Variants in BSDC1 observed in about 807,000 individuals in gnomAD.
BSDC1 encodes the protein BSD domain-containing protein 1.
In BSDC1, 29 loss-of-function variants were observed where a neutral mutation model predicts 56.0. The observed-to-expected ratio is 0.52, with a 90% CI of 0.39 to 0.71. BSDC1 has a LOEUF of 0.71. Among genes scored for constraint, BSDC1 ranks in the 30% least tolerant of loss-of-function variants. The probability of loss-of-function intolerance (pLI) is 0.00; values close to 1 mark genes in which losing one functional copy is unlikely to be tolerated. For synonymous variants in BSDC1, 210 were observed against 215.3 expected, an observed-to-expected ratio of 0.98 and a Z score of 0.21; for missense variants, 477 against 548.5, an observed-to-expected ratio of 0.87 and a Z score of 1.30.
At chr1:32,388,540 T>C (rs148436550) in intron 2 of BSDC1, among the ~76,000 whole-genome samples, 1 of 152,306 alleles carries the variant, frequency 6.6e-6, no homozygotes, top group African/African-American at 2.4e-5. Context: ...TGACACCCAG[T>C]GGGTGCTTTG....
intron 2 of BSDC1, among the ~76,000 whole-genome samples, chr1:32,390,386 G>A (rs1642824456): frequency 6.6e-6 from 1 of 152,176 alleles, no homozygotes; most frequent in Admixed American, 6.5e-5. Flanking sequence ...GATGGAAGAA[G>A]GTGGATTTGG....
intron 2 of BSDC1, among the ~76,000 whole-genome samples, chr1:32,388,307 A>C (rs191195248): frequency 6.6e-6 from 1 of 152,144 alleles, no homozygotes; most frequent in African/African-American, 2.4e-5. Flanking sequence ...TCATGCCTCC[A>C]TATCAACTCA....
chr1:32,383,617 A>G (rs1241979268), intron 4 of BSDC1, among the ~76,000 whole-genome samples: 1 of 152,230 alleles, frequency 6.6e-6, no homozygotes, highest in East Asian at 1.9e-4. Context: ...TTATATACCA[A>G]TAAGAAATCA....
intron 9 of BSDC1, among the ~76,000 whole-genome samples, chr1:32,375,407 G>A (rs950771780): frequency 4.0e-5 from 6 of 151,538 alleles, no homozygotes; most frequent in African/African-American, 1.5e-4. Context: ...GGATGTGTGT[G>A]TGAAGTGTAC....
At chr1:32,387,945 C>T (rs1178475608) in intron 2 of BSDC1, among the ~76,000 whole-genome samples, 1 of 152,166 alleles carries the variant, frequency 6.6e-6, no homozygotes, top group Non-Finnish European at 1.5e-5. Flanking sequence ...AGGTTCTATT[C>T]ATATACAAAG....
At position 32,368,454 on chromosome 1, in the gene BSDC1, G is replaced by A. The variant is rs201994378; in HGVS notation, c.1253C>T (p.Ser418Phe). ...CCCACCAGGCCCACTCACCTCCCCG[G>A]AGGCATCCACTTTGGAAAGTGCCAT... ...VQMALSKVDA[S>F]GELEDVEWED... is the part of the protein sequence containing the mutation. Residue 418 changes from serine to phenylalanine, a missense_variant, in exon 10 of 11, where the codon TCC becomes TTC. Physicochemically the swap from Ser to Phe is radical, Grantham distance 155. Coordinates refer to ENST00000455895, the MANE Select transcript of BSDC1 (RefSeq NM_018045.8). The A allele has an allele frequency of 2.2e-4, 350 of 1,613,974 alleles. No homozygotes were observed. Among genetic ancestry groups the A allele is most frequent in the East Asian group, 1.0e-3 (46 of 44,894 alleles).
Position 32,383,841 on chromosome 1 carries a change from C to A in BSDC1, c.346G>T (p.Asp116Tyr). The A allele has an allele frequency of 6.2e-7, 1 of 1,612,220 alleles. No individual in the cohort carries two copies. Among genetic ancestry groups the A allele is most frequent in the Non-Finnish European group, 8.5e-7 (1 of 1,180,020 alleles). The part of the protein sequence containing the change: ...GTPSGTAEPY[D>Y]GTKARLYSLQ... ...CTGTCAGTGAATACCTTGGTGCCAT[C>A]ATAGGGCTCAGCTGTGCCAGACGGT... Residue 116 changes from aspartate to tyrosine, a missense_variant, in exon 4 of 11, where the codon GAT becomes TAT. By Grantham distance (160) the Asp-to-Tyr change is radical. Coordinates refer to ENST00000455895, the MANE Select transcript of BSDC1 (RefSeq NM_018045.8).
chr1:32,388,665 T>G (rs2148140633), intron 2 of BSDC1, among the ~76,000 whole-genome samples: 1 of 152,338 alleles, frequency 6.6e-6, no homozygotes, highest in East Asian at 1.9e-4. Flanking sequence ...TCTGGCAGAC[T>G]GGTATCCCCT....
At chr1:32,392,092 GAGGCCGAGGC>G (rs1225158567) in intron 2 of BSDC1, among the ~76,000 whole-genome samples, 1 of 152,182 alleles carries the variant, frequency 6.6e-6, no homozygotes, top group Non-Finnish European at 1.5e-5. Flanking sequence ...AGCACTTTGG[GAGGCCGAGGC>G]AGGCGGATCA....
rs752157606 is a variant in BSDC1, at chr1:32,378,862, G to T, written c.413-23C>A. 7 of 1,432,222 alleles carry T rather than the reference G, an allele frequency of 4.9e-6. 1 individual carries two copies. In the Middle Eastern group the frequency reaches 1.1e-3, roughly 223 times the overall value. 88.7% of individuals were successfully genotyped at this position (1,432,222 alleles called of 1,614,324 possible). A position where few individuals can be genotyped will look rare whatever the true frequency, so the allele number is the denominator to read the frequency against. On this transcript the variant is annotated intron_variant, in intron 5 of 10. Coordinates refer to ENST00000455895, the MANE Select transcript of BSDC1 (RefSeq NM_018045.8). The surrounding 1 kb of genome is among the most constrained non-coding windows in gnomAD (Gnocchi z 5.2). ...GCCCTGCAGAGGGACAGATGCTGAC[G>T]GTCAGTTGCCTTGGTCTGGGAAAAG...
intron 9 of BSDC1, 129 bp from the exon 10 acceptor site, chr1:32,368,679 C>T (rs963564897): frequency 7.7e-7 from 1 of 1,292,766 alleles, no homozygotes; most frequent in Non-Finnish European, 1.1e-6. Context: ...ATTTTGTGTT[C>T]ACTCTGGCGC....
At chr1:32,368,700 C>CTTTTTT in intron 9 of BSDC1, 150 bp from the exon 10 acceptor site, 1 of 960,088 alleles carries the variant, frequency 1.0e-6, no homozygotes, top group Non-Finnish European at 1.4e-6. Context: ...ACCAATCGTA[C>CTTTTTT]TTTTTTTTTT....
At chr1:32,389,784 C>CCACACACACACA (rs58560406) in intron 2 of BSDC1, among the ~76,000 whole-genome samples, 27 of 146,084 alleles carry the variant, frequency 1.8e-4, no homozygotes, top group South Asian at 6.5e-4. Flanking sequence ...AAAACCGTCT[C>CCACACACACACA]CACACACACA....
At chr1:32,377,901 G>A in intron 8 of BSDC1, 69 bp downstream of exon 8, 1 of 1,464,632 alleles carries the variant, frequency 6.8e-7, no homozygotes, top group South Asian at 1.3e-5. Context: ...AGGCTTCAGA[G>A]AGCATGGCCC....
intron 9 of BSDC1, among the ~76,000 whole-genome samples, chr1:32,372,612 A>G (rs1180511113): frequency 6.6e-6 from 1 of 152,126 alleles, no homozygotes; most frequent in Admixed American, 6.5e-5. Flanking sequence ...GCCTCCTTCC[A>G]CCGTCCTACC....
rs948936789 is a variant in BSDC1, at chr1:32,366,709, GGCCCAGA to G, written c.1261-62_1261-56del. 4.8e-6 allele frequency: 7 copies of G among 1,449,418 alleles called. No individual in the cohort carries two copies. The African/African-American group carries it at 1.0e-4, about 21-fold the overall frequency. The allele number at this position is 1,449,418 out of a possible 1,614,324, so 89.8% of individuals were successfully genotyped here. A position where few individuals can be genotyped will look rare whatever the true frequency, so the allele number is the denominator to read the frequency against. The stretch of plus-strand genomic sequence containing the variant: ...CAAACACATAGTTACTCCTGAGTCA[GGCCCAGA>G]CCTAACCTCCACTTGCTGAGCAGAG... On this transcript the variant is annotated intron_variant, in intron 10 of 10. Transcript: ENST00000455895.
intron 9 of BSDC1, among the ~76,000 whole-genome samples, chr1:32,375,711 G>A (rs544858402): frequency 2.2e-4 from 34 of 152,228 alleles, no homozygotes; most frequent in Non-Finnish European, 4.1e-4. Flanking sequence ...TCATAATAAC[G>A]AAGGCTTGGG....
At chr1:32,377,036 T>C (rs1642316056) in intron 8 of BSDC1, among the ~76,000 whole-genome samples, 1 of 152,098 alleles carries the variant, frequency 6.6e-6, no homozygotes, top group Non-Finnish European at 1.5e-5. Flanking sequence ...CTTGGGAGGC[T>C]GAGGCAGGAG....
At chr1:32,383,395 A>G (rs1642554328) in intron 4 of BSDC1, among the ~76,000 whole-genome samples, 1 of 151,782 alleles carries the variant, frequency 6.6e-6, no homozygotes, top group Non-Finnish European at 1.5e-5. Flanking sequence ...GCAATGAGCC[A>G]TGATTGTGCC....
Sources: gnomAD v4.1 joint callset for allele counts (sites outside exome capture counted in the v4.1 genomes callset) on GRCh38, gnomAD v4.1.1 for gene constraint, Gnocchi (gnomAD v3.1) non-coding constraint, MANE v1.5 for transcripts, NCBI Gene and HGNC (gene_info 2026-07-23, HGNC 2026-07-21) for gene names.